PCTP: variants seen among roughly 807,000 people sequenced by gnomAD.
The protein encoded by PCTP is phosphatidylcholine transfer protein, also known as START domain-containing protein 2.
PCTP carries 27 observed loss-of-function variants against 31.0 expected under a neutral mutation model. The ratio of observed to expected loss-of-function variants is 0.87; its 90% CI spans 0.64 to 1.20. PCTP has a LOEUF of 1.20. Among genes scored for constraint, PCTP ranks in the 50% most tolerant of loss-of-function variants. The pLI is 0.00. For missense variants in PCTP, 287 were observed against 268.2 expected (o/e 1.07, Z -0.49); for synonymous variants, 108 against 101.2 (o/e 1.07, Z -0.40).
downstream of PCTP, among the ~76,000 whole-genome samples, chr17:55,780,099 T>G (rs1189042947): frequency 1.3e-5 from 2 of 152,114 alleles, no homozygotes; most frequent in Non-Finnish European, 2.9e-5. Flanking sequence ...ACTTTTTTTT[T>G]TTTTTTTGCT....
chr17:55,808,102 A>C (rs1912633082), intron 3 of PCTP, among the ~76,000 whole-genome samples: 1 of 152,204 alleles, frequency 6.6e-6, no homozygotes, highest in South Asian at 2.1e-4. Context: ...TCTGAACAAC[A>C]ACCTGAGGTA....
chr17:55,801,506 C>A (rs1213740830), intron 3 of PCTP, among the ~76,000 whole-genome samples: 1 of 152,148 alleles, frequency 6.6e-6, no homozygotes, highest in Non-Finnish European at 1.5e-5. Context: ...GAAATCATAA[C>A]AAACAGTCTC....
Position 55,771,191 on chromosome 17 carries a change from C to CA in PCTP, c.339+6_339+7insA. 9 of 1,597,526 alleles carry CA rather than the reference C, an allele frequency of 5.6e-6. No individual in the cohort carries two copies. Among genetic ancestry groups the CA allele is most frequent in the Non-Finnish European group, 6.0e-6 (7 of 1,164,968 alleles). ...TTCCCATGTCCAACAGAGACGTATC[C>CA]TTTCCACAAGGTACTCATTCCCTGG... On this transcript the variant is annotated splice_region_variant and intron_variant, in intron 3 of 5. Transcript: ENST00000268896.
rs1298088820 is a variant in PCTP, at chr17:55,776,158, C to T, written c.*58C>T. 2.9e-5 allele frequency: 46 copies of T among 1,602,394 alleles called. No individual in the cohort carries two copies. The Admixed American group carries it at 5.8e-4, about 20-fold the overall frequency. On this transcript the variant is annotated 3_prime_UTR_variant, in exon 6 of 6. Coordinates refer to ENST00000268896, the MANE Select transcript of PCTP (RefSeq NM_021213.4). The stretch of plus-strand genomic sequence containing the variant: ...TGATGTCTCTGGAAGTGCAACCACC[C>T]AATGTCTCTGGAAGTGCCACCTGGA...
downstream of PCTP, among the ~76,000 whole-genome samples, chr17:55,827,119 C>T (rs1905425616): frequency 6.6e-6 from 1 of 151,884 alleles, no homozygotes; most frequent in Non-Finnish European, 1.5e-5. Flanking sequence ...CACTTTGTCT[C>T]ACTAGGGAGG....
chr17:55,816,216 A>G (rs1312470111), intron 3 of PCTP, among the ~76,000 whole-genome samples: 1 of 152,174 alleles, frequency 6.6e-6, no homozygotes, highest in African/African-American at 2.4e-5. Flanking sequence ...CATTTTCATG[A>G]TCACCCCCAA....
chr17:55,790,474 A>G (rs1281171227), intron 3 of PCTP, among the ~76,000 whole-genome samples: 3 of 148,940 alleles, frequency 2.0e-5, no homozygotes. Flanking sequence ...TACAAAATCA[A>G]TGTACAAAAA....
intron 3 of PCTP, among the ~76,000 whole-genome samples, chr17:55,820,922 GC>G (rs1475645433): frequency 3.3e-5 from 5 of 152,348 alleles, no homozygotes; most frequent in Non-Finnish European, 7.3e-5. Context: ...CTCATACACT[GC>G]TAAAAGGAAT....
At chr17:55,799,282 G>T (rs750449485) in intron 3 of PCTP, among the ~76,000 whole-genome samples, 6 of 151,922 alleles carry the variant, frequency 3.9e-5, no homozygotes, top group Admixed American at 2.6e-4. Context: ...ATGCAAAAAG[G>T]TTAAAAGTAA....
chr17:55,834,490 G>A lies in PCTP; in HGVS notation n.506-8237G>A, dbSNP rs376462083. Among the ~76,000 whole-genome samples the A allele has an allele frequency of 5.3e-5, 8 of 152,252 alleles. No homozygotes were observed. The East Asian group carries it at 1.5e-3, about 29-fold the overall frequency. On this transcript the variant is annotated intron_variant and non_coding_transcript_variant, in intron 5 of 5. Coordinates refer to the PCTP transcript ENST00000576221. ...TAAGTGGAAAAGATCTAGCCACCAG[G>A]AAAGAGCCCACATGTCTTTCCCAGT...
chr17:55,818,681 G>A (rs1250894299), intron 3 of PCTP, among the ~76,000 whole-genome samples: 1 of 152,176 alleles, frequency 6.6e-6, no homozygotes. Context: ...CTTCTGTCTG[G>A]AAAATAGCCT....
intron 3 of PCTP, among the ~76,000 whole-genome samples, chr17:55,798,494 G>A (rs1408118141): frequency 6.6e-6 from 1 of 151,858 alleles, no homozygotes; most frequent in African/African-American, 2.4e-5. Flanking sequence ...AGGAAAAAAA[G>A]ATATGTTAGC....
intron 3 of PCTP, among the ~76,000 whole-genome samples, chr17:55,793,692 A>G (rs1171925227): frequency 2.6e-5 from 4 of 152,136 alleles, no homozygotes; most frequent in African/African-American, 4.8e-5. Context: ...CTATTGAATA[A>G]ATTAATAAAG....
At position 55,775,888 on chromosome 17, in the gene PCTP, G is replaced by A. The variant is rs571483086; in HGVS notation, c.580-147G>A. The A allele has an allele frequency of 1.4e-4, 200 of 1,402,692 alleles. No homozygotes were observed. The African/African-American group carries it at 2.7e-3, about 19-fold the overall frequency. 86.9% of individuals were successfully genotyped at this position (1,402,692 alleles called of 1,614,324 possible). On this transcript the variant is annotated intron_variant, in intron 5 of 5. Transcript: ENST00000268896. ...TCAGTCCTACTTTTTGTCATCATCTGCAACAACATTCTGTTGAAATCCAGT... is the reference window on the plus strand; with the variant it reads ...TCAGTCCTACTTTTTGTCATCATCTACAACAACATTCTGTTGAAATCCAGT...
At chr17:55,811,965 C>A (rs1912766346) in intron 3 of PCTP, among the ~76,000 whole-genome samples, 1 of 152,200 alleles carries the variant, frequency 6.6e-6, no homozygotes, top group Non-Finnish European at 1.5e-5. Flanking sequence ...ACTGAGCACT[C>A]AGTATGTATC....
At chr17:55,770,655 CT>C (rs1252828377) in intron 2 of PCTP, 1 of 151,744 alleles carries the variant, frequency 6.6e-6, no homozygotes. Context: ...ATCGGTTTGA[CT>C]TTTTTCTAGA....
intron 3 of PCTP, among the ~76,000 whole-genome samples, chr17:55,794,910 T>C (rs906803209): frequency 2.6e-5 from 4 of 151,948 alleles, no homozygotes; most frequent in African/African-American, 9.7e-5. Flanking sequence ...AAAACCAATG[T>C]TTGCTGCCCT....
downstream of PCTP, among the ~76,000 whole-genome samples, chr17:55,780,991 T>G (rs1428589692): frequency 6.6e-6 from 1 of 151,214 alleles, no homozygotes; most frequent in African/African-American, 2.4e-5. Flanking sequence ...ATAGACTTCT[T>G]TCTTATTTAA....
intron 5 of PCTP, among the ~76,000 whole-genome samples, chr17:55,829,889 A>G (rs901772849): frequency 1.3e-5 from 2 of 152,220 alleles, no homozygotes; most frequent in Non-Finnish European, 2.9e-5. Flanking sequence ...GCCATGAGTC[A>G]TGGGGCAAAT....
Sources: gnomAD v4.1 joint callset for allele counts (sites outside exome capture counted in the v4.1 genomes callset) on GRCh38, gnomAD v4.1.1 for gene constraint, MANE v1.5 for transcripts, NCBI Gene and HGNC (gene_info 2026-07-23, HGNC 2026-07-21) for gene names.